The following DENND5A variants were observed in gnomAD, a reference collection of about 807,000 sequenced individuals.
DENND5A encodes DENN domain-containing protein 5A.
DENND5A carries 64 observed loss-of-function variants against 140.3 expected under a neutral mutation model. The observed-to-expected ratio is 0.46, with a 90% CI of 0.37 to 0.56. The LOEUF (loss-of-function observed/expected upper bound fraction) is 0.56, where lower values mean the gene tolerates loss of function less well. Among genes scored for constraint, DENND5A ranks in the 20% least tolerant of loss-of-function variants. DENND5A has a pLI of 0.00. For synonymous variants in DENND5A, 605 were observed against 607.7 expected, an observed-to-expected ratio of 1.00 and a Z score of 0.07; for missense variants, 1,292 against 1,593.8, an observed-to-expected ratio of 0.81 and a Z score of 3.22.
chr11:9,217,551 T>A (rs1850142643), intron 1 of DENND5A, among the ~76,000 whole-genome samples: 1 of 152,110 alleles, frequency 6.6e-6, no homozygotes, highest in Non-Finnish European at 1.5e-5. Flanking sequence ...AGAAAAGGCC[T>A]ACGTATGGAG....
chr11:9,231,730 A>AAAAAAAAAAAAAAAAAC (rs1264065265), intron 1 of DENND5A, among the ~76,000 whole-genome samples: 1 of 149,466 alleles, frequency 6.7e-6, no homozygotes, highest in Non-Finnish European at 1.5e-5. Flanking sequence ...AAAAAAAAAA[A>AAAAAAAAAAAAAAAAAC]AAGACTCTGG....
chr11:9,261,884 C>CT (rs1175454035), intron 1 of DENND5A, among the ~76,000 whole-genome samples: 1 of 151,596 alleles, frequency 6.6e-6, no homozygotes, highest in Admixed American at 6.6e-5. Flanking sequence ...ACTGCATACT[C>CT]TAACAAAGGC....
intron 8 of DENND5A, among the ~76,000 whole-genome samples, chr11:9,174,739 T>A (rs190833085): frequency 2.6e-5 from 4 of 151,720 alleles, no homozygotes; most frequent in African/African-American, 9.6e-5. Context: ...TAATTCACCA[T>A]ATTAACAAAC....
At chr11:9,189,301 A>C (rs1254111257) in intron 5 of DENND5A, among the ~76,000 whole-genome samples, 7 of 152,214 alleles carry the variant, frequency 4.6e-5, no homozygotes, top group Non-Finnish European at 1.5e-5. Context: ...ATGCCCAGAG[A>C]GAAGTTTGTT....
At chr11:9,186,490 A>C (rs1189581312) in intron 5 of DENND5A, among the ~76,000 whole-genome samples, 1 of 152,254 alleles carries the variant, frequency 6.6e-6, no homozygotes, top group Non-Finnish European at 1.5e-5. Flanking sequence ...AGAAGAAAAA[A>C]GCAGTTTCTC....
At position 9,162,233 on chromosome 11, in the gene DENND5A, C is replaced by CTTTT. The variant is rs1221675349; in HGVS notation, c.2284-1372_2284-1369dup. The stretch of plus-strand genomic sequence containing the variant: ...ATGACCAGCGCCAGGCCAGTTCCTT[C>CTTTT]TTTTTTTTTTTTTTTTTTTTTTGAG... On this transcript the variant is annotated intron_variant, in intron 11 of 22. Coordinates refer to ENST00000328194, the MANE Select transcript of DENND5A (RefSeq NM_015213.4). Among the ~76,000 whole-genome samples, 681 of 97,100 alleles carry CTTTT rather than the reference C, an allele frequency of 7.0e-3. 3 individuals are homozygous for CTTTT. Among genetic ancestry groups the CTTTT allele is most frequent in the Non-Finnish European group, 8.9e-3 (439 of 49,510 alleles). The allele number at this position is 97,100 out of a possible 152,430, so 63.7% of individuals were successfully genotyped here. A position where few individuals can be genotyped will look rare whatever the true frequency, so the allele number is the denominator to read the frequency against.
chr11:9,234,611 C>T (rs1024570030), intron 1 of DENND5A, among the ~76,000 whole-genome samples: 1 of 152,310 alleles, frequency 6.6e-6, no homozygotes, highest in Middle Eastern at 3.4e-3. Context: ...CTGACGCCCA[C>T]GCTAAAGGTT....
At chr11:9,243,087 C>CAAAAAAAAAAA (rs539119487) in intron 1 of DENND5A, among the ~76,000 whole-genome samples, 1 of 66,880 alleles carries the variant, frequency 1.5e-5, no homozygotes, top group African/African-American at 6.2e-5. Flanking sequence ...GACTCTGTCT[C>CAAAAAAAAAAA]AAAAAAAAAA....
At position 9,144,104 on chromosome 11, in the gene DENND5A, G is replaced by A. The variant is rs1269893314; in HGVS notation, c.3297C>T (p.Asn1099=). 9 of 1,613,256 alleles carry A rather than the reference G, an allele frequency of 5.6e-6. No homozygotes were observed. In the African/African-American group the frequency reaches 9.3e-5, roughly 17 times the overall value. Residue 1099 remains asparagine, a synonymous_variant, in exon 19 of 23, where the codon AAC becomes AAT. Transcript: ENST00000328194. ...IRRLVTISPN[N]KPKLNTGQIQ... ...ACCCCTCCTCCCACTTACTGGGCTT[G>A]TTGTTGGGTGAGATGGTAACAAGCC...
Position 9,152,376 on chromosome 11 carries a change from C to T in DENND5A, c.2503G>A (p.Gly835Arg), listed in dbSNP as rs757441552. 2.5e-6 allele frequency: 4 copies of T among 1,612,970 alleles called. No homozygotes were observed. The highest frequency in any genetic ancestry group is 3.4e-6 in the Non-Finnish European group (4 of 1,179,070). ...QDNRQRKLTSGSLSTSGILLD... is the reference protein window; with the variant it reads ...QDNRQRKLTSRSLSTSGILLD... ...ATCTTACCTGAGGTACTGAGGCTTC[C>T]TGATGTGAGTTTTCTCTGCCGGTTG... is the stretch of plus-strand genomic sequence containing the variant. Residue 835 changes from glycine (G) to arginine (R), a missense_variant, in exon 13 of 23, where the codon GGA becomes AGA. Transcript: ENST00000328194.
At chr11:9,184,988 C>T (rs2136183284) in intron 5 of DENND5A, among the ~76,000 whole-genome samples, 1 of 152,234 alleles carries the variant, frequency 6.6e-6, no homozygotes, top group South Asian at 2.1e-4. Flanking sequence ...GTCAGGAGTT[C>T]GAGACCAGCC....
In DENND5A at chr11:9,170,759, C is replaced by T. The variant is rs965362811; in HGVS notation, c.1925G>A (p.Arg642His). The T allele has an allele frequency of 2.0e-5, 33 of 1,613,614 alleles. No individual in the cohort carries two copies. The highest frequency in any genetic ancestry group is 2.6e-5 in the Non-Finnish European group (31 of 1,179,946). Residue 642 changes from arginine (R) to histidine (H), a missense_variant, in exon 9 of 23, where the codon CGT becomes CAT. Around this residue, in one of 4 missense-constraint regions of DENND5A, gnomAD observed 199 missense variants for 189.1 expected, o/e 1.05. Coordinates refer to ENST00000328194, the MANE Select transcript of DENND5A (RefSeq NM_015213.4). ...TGCAGTATGGTCAATTTTTGCCAGA[C>T]GCAGCTCAATTGCTTTCTCTGGATG... ...VDEAEKAIEL[R>H]LAKIDHTAIH...
intron 1 of DENND5A, among the ~76,000 whole-genome samples, chr11:9,213,424 T>TAA (rs142768126): frequency 4.1e-5 from 6 of 147,918 alleles, no homozygotes; most frequent in African/African-American, 9.9e-5. Context: ...AAGTTTAACT[T>TAA]AAAAAAAAAA....
At chr11:9,238,583 AT>A (rs1353880673) in intron 1 of DENND5A, among the ~76,000 whole-genome samples, 1 of 151,614 alleles carries the variant, frequency 6.6e-6, no homozygotes, top group African/African-American at 2.4e-5. Context: ...AGCCTGGCTA[AT>A]TTTTTATATT....
rs928205498 is a variant in DENND5A, at chr11:9,193,533, A to G, written c.1098T>C (p.Asn366=). The G allele has an allele frequency of 6.2e-7, 1 of 1,613,434 alleles. No homozygotes were observed. The change falls in exon 5 of 23, where the codon AAT becomes AAC. Residue 366 remains asparagine (N), a synonymous_variant. Transcript: ENST00000328194. ...CCAGCTTTGACCGGTCATCCAGGCC[A>G]TTGGAATGCAAACCCATCAGGTATG... The part of the protein sequence containing the change: ...PVPYLMGLHS[N]GLDDRSKLEL...
chr11:9,257,284 C>A (rs1229914641), intron 1 of DENND5A, among the ~76,000 whole-genome samples: 1 of 151,782 alleles, frequency 6.6e-6, no homozygotes, highest in East Asian at 2.0e-4. Flanking sequence ...GCGTGAGCAA[C>A]CATGTCTAGC....
At chr11:9,243,538 T>C (rs1457065234) in intron 1 of DENND5A, among the ~76,000 whole-genome samples, 1 of 152,112 alleles carries the variant, frequency 6.6e-6, no homozygotes, top group Admixed American at 6.6e-5. Flanking sequence ...AGTGTGAAGA[T>C]GATGAGCATA....
rs376956853 is a variant in DENND5A at position 9,201,511 on chromosome 11, A to G, written c.949+2149T>C. ...TGTAGCAAGACCCCATGTCTACAAA[A>G]AATAAAAAATTAGCCAAGCATGGTG... On this transcript the variant is annotated intron_variant, in intron 4 of 22. Coordinates refer to ENST00000328194, the MANE Select transcript of DENND5A (RefSeq NM_015213.4). 1.4e-4 allele frequency among the ~76,000 whole-genome samples: 21 copies of G among 152,086 alleles called. No homozygotes were observed. The East Asian group carries it at 1.5e-3, about 11-fold the overall frequency.
intron 1 of DENND5A, among the ~76,000 whole-genome samples, chr11:9,220,928 A>G (rs1341941112): frequency 6.6e-6 from 1 of 151,392 alleles, no homozygotes; most frequent in African/African-American, 2.4e-5. Context: ...ACACACACAC[A>G]TAAATTAGCC....
Sources: gnomAD v4.1 joint callset for allele counts (sites outside exome capture counted in the v4.1 genomes callset) on GRCh38, gnomAD v4.1.1 for gene constraint, gnomAD v4.1.1 regional missense constraint, MANE v1.5 for transcripts, NCBI Gene and HGNC (gene_info 2026-07-23, HGNC 2026-07-21) for gene names.